Variants in FAM178B observed in about 807,000 individuals in gnomAD.
The protein encoded by FAM178B is family with sequence similarity 178 member B, also known as protein FAM178B.
Under a neutral mutation model 91.7 loss-of-function variants are expected in FAM178B, and 82 were observed. The observed-to-expected ratio is 0.89, with a 90% confidence interval of 0.75 to 1.07. The LOEUF is 1.07. FAM178B is among the 50% of genes least tolerant of loss of function. The pLI is 0.00. For missense variants in FAM178B, 769 were observed against 846.7 expected (o/e 0.91, Z 1.14); for synonymous variants, 368 against 359.4 (o/e 1.02, Z -0.27).
intron 12 of FAM178B, among the ~76,000 whole-genome samples, chr2:96,903,009 T>C (rs1243754539): frequency 6.6e-6 from 1 of 152,206 alleles, no homozygotes; most frequent in Non-Finnish European, 1.5e-5. Flanking sequence ...CATGGATCCA[T>C]AGAGGCAGCA....
intron 8 of FAM178B, among the ~76,000 whole-genome samples, chr2:96,939,859 C>T (rs2081697362): frequency 6.6e-6 from 1 of 152,052 alleles, no homozygotes. Flanking sequence ...GGGCTTGGTG[C>T]CTAGCACAAA....
intron 12 of FAM178B, among the ~76,000 whole-genome samples, chr2:96,914,141 G>A (rs891629741): frequency 2.6e-5 from 4 of 152,254 alleles, no homozygotes; most frequent in Non-Finnish European, 4.4e-5. Context: ...TCCCGCCCAG[G>A]GAGCTCATAC....
At chr2:96,936,843 G>A (rs767244801) in intron 8 of FAM178B, among the ~76,000 whole-genome samples, 1 of 151,864 alleles carries the variant, frequency 6.6e-6, no homozygotes, top group Non-Finnish European at 1.5e-5. Flanking sequence ...ATAACAACAG[G>A]AGGGGGGTCT....
intron 12 of FAM178B, among the ~76,000 whole-genome samples, chr2:96,905,428 C>T (rs1487998940): frequency 6.6e-6 from 1 of 151,524 alleles, no homozygotes. Flanking sequence ...CGTGGTGGCA[C>T]ACACCTGTAA....
At chr2:96,886,391 T>C (rs1006073837) in intron 14 of FAM178B, among the ~76,000 whole-genome samples, 8 of 152,178 alleles carry the variant, frequency 5.3e-5, no homozygotes, top group Admixed American at 6.5e-5. Context: ...CTCTTTCTTG[T>C]CCAGGAAGAG....
chr2:96,918,532 A>C (rs2081279787), intron 12 of FAM178B, among the ~76,000 whole-genome samples: 1 of 152,266 alleles, frequency 6.6e-6, no homozygotes, highest in African/African-American at 2.4e-5. Flanking sequence ...GAATGCAGAA[A>C]AATATGCACT....
intron 6 of FAM178B, among the ~76,000 whole-genome samples, chr2:96,957,342 C>T (rs1203976599): frequency 1.3e-5 from 2 of 152,186 alleles, no homozygotes; most frequent in Non-Finnish European, 2.9e-5. Flanking sequence ...GTGGGCCTCG[C>T]CACTGCCCGG....
intron 13 of FAM178B, among the ~76,000 whole-genome samples, chr2:96,901,873 AC>A: frequency 6.6e-6 from 1 of 152,300 alleles, no homozygotes; most frequent in East Asian, 1.9e-4. Context: ...TTAAATGCTC[AC>A]TGCAACCTCT....
intron 12 of FAM178B, among the ~76,000 whole-genome samples, chr2:96,903,525 C>T (rs77408288): frequency 1.3e-5 from 2 of 152,222 alleles, no homozygotes; most frequent in Admixed American, 6.5e-5. Flanking sequence ...AGGCACCTGA[C>T]CCAGTCACTG....
At chr2:96,914,532 ATGACAGTTCTT>A (rs2081210592) in intron 12 of FAM178B, among the ~76,000 whole-genome samples, 1 of 152,242 alleles carries the variant, frequency 6.6e-6, no homozygotes, top group South Asian at 2.1e-4. Context: ...TCAATTGCTT[ATGACAGTTCTT>A]TTATGGTTCA....
In FAM178B at chr2:96,981,709, A is replaced by G. The variant is rs559081935; in HGVS notation, c.73+4532T>C. On this transcript the variant is annotated intron_variant, in intron 1 of 16. Transcript: ENST00000490605. ...TGAGCCGAGATGGCGCCACTGCACT[A>G]TAGCCTGGGTGACAGAGTGAGACTC... Among the ~76,000 whole-genome samples, 5 of 141,444 alleles carry G rather than the reference A, an allele frequency of 3.5e-5. No homozygotes were observed. The South Asian group carries it at 6.7e-4, about 19-fold the overall frequency. The allele number at this position is 141,444 out of a possible 152,430, so 92.8% of individuals were successfully genotyped here. A position where few individuals can be genotyped will look rare whatever the true frequency, so the allele number is the denominator to read the frequency against.
At chr2:96,915,688 C>T (rs1332571417) in intron 12 of FAM178B, among the ~76,000 whole-genome samples, 1 of 151,780 alleles carries the variant, frequency 6.6e-6, no homozygotes, top group East Asian at 1.9e-4. Flanking sequence ...TGGTGGCACG[C>T]ACCTGTAGTC....
intron 12 of FAM178B, among the ~76,000 whole-genome samples, chr2:96,905,188 G>A (rs1167985598): frequency 1.3e-5 from 2 of 152,110 alleles, no homozygotes; most frequent in Admixed American, 1.3e-4. Context: ...CATTGGACTT[G>A]TGAAAATGCA....
chr2:96,961,872 C>A (rs771992925), intron 5 of FAM178B, among the ~76,000 whole-genome samples: 2 of 152,204 alleles, frequency 1.3e-5, no homozygotes, highest in African/African-American at 4.8e-5. Flanking sequence ...GCTGCAGACC[C>A]GGGAGGACTC....
chr2:96,969,057 G>T (rs950622822), intron 4 of FAM178B, among the ~76,000 whole-genome samples: 6 of 152,212 alleles, frequency 3.9e-5, no homozygotes, highest in South Asian at 4.1e-4. Flanking sequence ...CCGACTCCGG[G>T]TTAAGTTAGG....
chr2:96,880,849 C>T (rs2080364294), intron 14 of FAM178B, among the ~76,000 whole-genome samples: 1 of 152,230 alleles, frequency 6.6e-6, no homozygotes, highest in African/African-American at 2.4e-5. Context: ...CCGCCTCGGC[C>T]TCCCAAAGTG....
At chr2:96,890,726 G>A (rs2080657351) in intron 14 of FAM178B, among the ~76,000 whole-genome samples, 1 of 152,168 alleles carries the variant, frequency 6.6e-6, no homozygotes, top group Non-Finnish European at 1.5e-5. Flanking sequence ...GAAGGCAACT[G>A]GGGCGAATTG....
At chr2:96,908,725 T>C (rs368644209) in intron 12 of FAM178B, among the ~76,000 whole-genome samples, 3 of 152,324 alleles carry the variant, frequency 2.0e-5, no homozygotes, top group East Asian at 3.9e-4. Flanking sequence ...TGTCCACCTA[T>C]GATATGGGTC....
At chr2:96,912,164 CCCA>C (rs1440755579) in intron 12 of FAM178B, among the ~76,000 whole-genome samples, 2 of 152,056 alleles carry the variant, frequency 1.3e-5, no homozygotes, top group Non-Finnish European at 2.9e-5. Context: ...CTCAGCTGAC[CCCA>C]CAAGGACTCC....
Sources: allele counts gnomAD v4.1 joint callset (sites outside exome capture counted in the v4.1 genomes callset), GRCh38; gene constraint gnomAD v4.1.1; transcripts MANE v1.5; gene names NCBI Gene and HGNC (gene_info 2026-07-23, HGNC 2026-07-21).